GALNTL6: variants seen among roughly 807,000 people sequenced by gnomAD.
GALNTL6 encodes polypeptide N-acetylgalactosaminyltransferase like 6.
A neutral mutation model predicts 73.7 loss-of-function variants in GALNTL6; 46 were observed. That is an observed-to-expected ratio of 0.62 (90% CI 0.49 to 0.80). GALNTL6 has a LOEUF of 0.80. Among genes scored for constraint, GALNTL6 ranks in the 30% least tolerant of loss-of-function variants. The pLI is 0.00. For missense variants in GALNTL6, 604 were observed against 755.0 expected (o/e 0.80, Z 2.34); for synonymous variants, 259 against 263.7 (o/e 0.98, Z 0.17).
Position 172,311,639 on chromosome 4 carries a change from C to T in GALNTL6, c.273C>T (p.Tyr91=), listed in dbSNP as rs775052757. ...RSGKGEHGKP[Y]PLTEEDHDDS... The stretch of plus-strand genomic sequence containing the variant: ...GGAAAGGTGAACATGGGAAACCTTA[C>T]CCCCTTACTGAAGAGGACCATGATG... The change falls in exon 4 of 13, where the codon TAC becomes TAT. Residue 91 remains tyrosine, a synonymous_variant. Transcript: ENST00000506823. 1.2e-6 allele frequency: 2 copies of T among 1,609,378 alleles called. No homozygotes were observed. Among genetic ancestry groups the T allele is most frequent in the Non-Finnish European group, 1.7e-6 (2 of 1,177,768 alleles).
At chr4:172,917,541 C>G (rs1052590735) in intron 8 of GALNTL6, among the ~76,000 whole-genome samples, 4 of 152,068 alleles carry the variant, frequency 2.6e-5, no homozygotes, top group African/African-American at 7.2e-5. Flanking sequence ...AGAACTCAAA[C>G]AAATTTACAC....
At chr4:172,033,723 A>G (rs1741840798) in intron 2 of GALNTL6, among the ~76,000 whole-genome samples, 1 of 152,168 alleles carries the variant, frequency 6.6e-6, no homozygotes, top group Non-Finnish European at 1.5e-5. Flanking sequence ...ACAGATAATC[A>G]CTGGCATGTT....
At chr4:172,259,820 A>G (rs1738197171) in intron 3 of GALNTL6, among the ~76,000 whole-genome samples, 1 of 151,500 alleles carries the variant, frequency 6.6e-6, no homozygotes, top group South Asian at 2.1e-4. Context: ...TCATTCTTCT[A>G]CATGTGCTTT....
At chr4:171,815,188 T>C (rs1392021486) in intron 2 of GALNTL6, 1 of 170,296 alleles carries the variant, frequency 5.9e-6, no homozygotes, top group Non-Finnish European at 1.2e-5. Context: ...ATTTTGGTTG[T>C]AAATTTTGCT....
chr4:172,532,250 G>GGACTGGTA (rs1735193324), intron 5 of GALNTL6, among the ~76,000 whole-genome samples: 1 of 152,246 alleles, frequency 6.6e-6, no homozygotes, highest in South Asian at 2.1e-4. Flanking sequence ...GTACTTATAA[G>GGACTGGTA]GACTGGTATC....
chr4:172,259,180 G>A (rs1214709860), intron 3 of GALNTL6, among the ~76,000 whole-genome samples: 17 of 151,120 alleles, frequency 1.1e-4, no homozygotes, highest in African/African-American at 3.4e-4. Context: ...AGGAATCTCC[G>A]TACTGTTTTC....
Position 173,021,857 on chromosome 4 carries a change from G to A in GALNTL6, c.1638+232G>A, listed in dbSNP as rs192132442. Among the ~76,000 whole-genome samples, 522 of 152,016 alleles carry A rather than the reference G, an allele frequency of 3.4e-3. 3 individuals carry two copies. Among genetic ancestry groups the A allele is most frequent in the Middle Eastern group, 0.02 (6 of 294 alleles). On this transcript the variant is annotated intron_variant, in intron 12 of 12. Coordinates refer to ENST00000506823, the MANE Select transcript of GALNTL6 (RefSeq NM_001034845.3). ...AAAATACAAAAAAAAGTCAGGCGTA[G>A]TGATGGGTGCCTGTAATCCCAGCTA... is the stretch of plus-strand genomic sequence containing the variant.
At chr4:171,829,059 T>C (rs1007675336) in intron 2 of GALNTL6, among the ~76,000 whole-genome samples, 6 of 152,184 alleles carry the variant, frequency 3.9e-5, no homozygotes, top group African/African-American at 7.2e-5. Flanking sequence ...AAGCCACTGG[T>C]CAAAAGTAGG....
chr4:172,144,866 C>T (rs1560940845), intron 2 of GALNTL6, among the ~76,000 whole-genome samples: 1 of 152,142 alleles, frequency 6.6e-6, no homozygotes, highest in Non-Finnish European at 1.5e-5. Flanking sequence ...TTCCAATTCC[C>T]TGTAAGAATT....
chr4:172,990,104 A>G (rs1751474349), intron 10 of GALNTL6, among the ~76,000 whole-genome samples: 1 of 152,236 alleles, frequency 6.6e-6, no homozygotes, highest in East Asian at 1.9e-4. Context: ...TATTGGCTCT[A>G]TAAGTCAACT....
At position 172,698,664 on chromosome 4, in the gene GALNTL6, G is replaced by A. The variant is rs115519696; in HGVS notation, c.554-110697G>A. On this transcript the variant is annotated intron_variant, in intron 5 of 12. Transcript: ENST00000506823. ...TGTGCCACTCAAACTATGTTTGTGT[G>A]CTTTGATGGAGATGGGGAATGGGAG... Among the ~76,000 whole-genome samples, 729 of 152,306 alleles carry A rather than the reference G, an allele frequency of 4.8e-3. 7 individuals carry two copies. Among genetic ancestry groups the A allele is most frequent in the African/African-American group, 0.016 (678 of 41,560 alleles).
chr4:172,468,179 A>C (rs771824966), intron 5 of GALNTL6, among the ~76,000 whole-genome samples: 6 of 152,214 alleles, frequency 3.9e-5, no homozygotes, highest in Non-Finnish European at 4.4e-5. Context: ...GGCATGAGCC[A>C]CTGTACTCAG....
chr4:173,004,272 T>C (rs79836646), intron 10 of GALNTL6, among the ~76,000 whole-genome samples: 8 of 152,306 alleles, frequency 5.3e-5, no homozygotes, highest in Admixed American at 2.6e-4. Flanking sequence ...GTTCTCTTTC[T>C]GTGTTACCCT....
chr4:172,157,896 T>C (rs1734334286), intron 2 of GALNTL6, among the ~76,000 whole-genome samples: 1 of 152,192 alleles, frequency 6.6e-6, no homozygotes, highest in Admixed American at 6.5e-5. Context: ...TCTCCTCAGG[T>C]ACATTAAATT....
At chr4:172,958,966 C>A (rs904672551) in intron 10 of GALNTL6, among the ~76,000 whole-genome samples, 5 of 152,088 alleles carry the variant, frequency 3.3e-5, no homozygotes, top group African/African-American at 1.2e-4. Context: ...AGGCACAGAT[C>A]CTGAACTAAC....
chr4:172,394,039 G>A (rs1392061500), intron 5 of GALNTL6, among the ~76,000 whole-genome samples: 1 of 151,982 alleles, frequency 6.6e-6, no homozygotes, highest in Non-Finnish European at 1.5e-5. Context: ...ATGGTTGATT[G>A]TTCATGGCTA....
At chr4:172,574,281 T>G (rs1298467728) in intron 5 of GALNTL6, among the ~76,000 whole-genome samples, 2 of 152,218 alleles carry the variant, frequency 1.3e-5, no homozygotes, top group Admixed American at 1.3e-4. Context: ...ATTTTGTAAA[T>G]GTAGTCCTAG....
chr4:172,087,071 T>G (rs1208158184), intron 2 of GALNTL6, among the ~76,000 whole-genome samples: 1 of 152,118 alleles, frequency 6.6e-6, no homozygotes, highest in Non-Finnish European at 1.5e-5. Context: ...TTCATTGAAG[T>G]TGTCAGTTGT....
At chr4:172,223,037 T>C (rs1030159703) in intron 2 of GALNTL6, among the ~76,000 whole-genome samples, 7 of 151,990 alleles carry the variant, frequency 4.6e-5, no homozygotes, top group African/African-American at 1.4e-4. Context: ...CCAGATTCTA[T>C]TGAAAAATTT....
Sources: gnomAD v4.1 joint callset for allele counts (sites outside exome capture counted in the v4.1 genomes callset) on GRCh38, gnomAD v4.1.1 for gene constraint, MANE v1.5 for transcripts, NCBI Gene and HGNC (gene_info 2026-07-23, HGNC 2026-07-21) for gene names.